C4orf17: variants seen among roughly 807,000 people sequenced by gnomAD.
C4orf17 encodes uncharacterized protein C4orf17.
Under a neutral mutation model 32.0 loss-of-function variants are expected in C4orf17, and 25 were observed. That is an observed-to-expected ratio of 0.78 (90% CI 0.57 to 1.09). The LOEUF is 1.09. Among genes scored for constraint, C4orf17 ranks in the 50% least tolerant of loss-of-function variants. The probability of loss-of-function intolerance (pLI) is 0.00; values close to 1 mark genes in which losing one functional copy is unlikely to be tolerated. For missense variants in C4orf17, 420 were observed against 420.0 expected (o/e 1.00, Z 0.00); for synonymous variants, 149 against 145.8 (o/e 1.02, Z -0.16).
At chr4:99,532,287 C>A (rs1723489136) in intron 5 of C4orf17, among the ~76,000 whole-genome samples, 1 of 152,090 alleles carries the variant, frequency 6.6e-6, no homozygotes, top group Non-Finnish European at 1.5e-5. Flanking sequence ...ATAGCAAAGA[C>A]ATGGAATCAA....
chr4:99,537,617 T>C, intron 5 of C4orf17, 52 bp from the exon 6 acceptor site: 1 of 1,277,958 alleles, frequency 7.8e-7, no homozygotes, highest in Non-Finnish European at 1.1e-6. Flanking sequence ...GGAAAACTGA[T>C]AAGCCTTGTA....
At chr4:99,537,569 A>C in intron 5 of C4orf17, 100 bp from the exon 6 acceptor site, 2 of 835,370 alleles carry the variant, frequency 2.4e-6, no homozygotes, top group South Asian at 2.8e-5. Flanking sequence ...TCATATACAA[A>C]GTGATATTTG....
At chr4:99,537,779 C>T (rs1385206664) in intron 6 of C4orf17, 29 bp downstream of exon 6, 5 of 1,495,972 alleles carry the variant, frequency 3.3e-6, no homozygotes, top group African/African-American at 1.4e-5. Flanking sequence ...TTTTAAAACA[C>T]TGAGCTCAAT....
intron 8 of C4orf17, chr4:99,540,737 A>C (rs1723639627): frequency 3.8e-6 from 1 of 263,886 alleles, no homozygotes; most frequent in African/African-American, 2.2e-5. Flanking sequence ...TTCAGTGAAA[A>C]GGGAAACCCT....
chr4:99,522,398 A>C (rs2110168156), intron 2 of C4orf17, 102 bp from the exon 3 acceptor site: 2 of 891,028 alleles, frequency 2.2e-6, no homozygotes, highest in Non-Finnish European at 3.5e-6. Context: ...ACATACATTT[A>C]ATGATATTTG....
chr4:99,516,101 G>A (rs566186449), intron 2 of C4orf17, among the ~76,000 whole-genome samples: 7 of 152,152 alleles, frequency 4.6e-5, no homozygotes, highest in Non-Finnish European at 8.8e-5. Context: ...GATGAAACAG[G>A]AAAGCTGAAA....
chr4:99,533,040 A>G (rs1304339804), intron 5 of C4orf17, among the ~76,000 whole-genome samples: 1 of 152,220 alleles, frequency 6.6e-6, no homozygotes, highest in African/African-American at 2.4e-5. Context: ...CAGACAGTGC[A>G]TGGAGAAAGT....
In C4orf17 at chr4:99,539,230, A is replaced by G. The variant is rs1437881698; in HGVS notation, c.696A>G (p.Arg232=). Residue 232 remains arginine (R), a synonymous_variant, in exon 7 of 9, where the codon AGA becomes AGG. Coordinates refer to ENST00000326581, the MANE Select transcript of C4orf17 (RefSeq NM_032149.3). ...AGATAAACCTGTTAACTCATCACAGAAGAAACACCTCAATGGAACCAGCAG... is the reference window on the plus strand; with the variant it reads ...AGATAAACCTGTTAACTCATCACAGGAGAAACACCTCAATGGAACCAGCAG... ...LAEINLLTHH[R]RNTSMEPAAE... 1.2e-6 allele frequency: 2 copies of G among 1,614,118 alleles called. No individual in the cohort carries two copies. Among genetic ancestry groups the G allele is most frequent in the Admixed American group, 3.3e-5 (2 of 60,026 alleles).
At position 99,512,989 on chromosome 4, in the gene C4orf17, G is replaced by A. The variant is rs1723120652; in HGVS notation, c.-93G>A. Reference sequence around the variant, plus strand: ...AATGTTTGTCATTTTGTGATTTCAGGGTCTGAGCACATCTGGAAGTGAGGT... The same window carrying A: ...AATGTTTGTCATTTTGTGATTTCAGAGTCTGAGCACATCTGGAAGTGAGGT... On this transcript the variant is annotated splice_region_variant and 5_prime_UTR_variant, in exon 2 of 9. Transcript: ENST00000326581. 1 of 1,313,332 alleles carries A rather than the reference G, an allele frequency of 7.6e-7. No individual in the cohort carries two copies. The highest frequency in any genetic ancestry group is 1.1e-6 in the Non-Finnish European group (1 of 927,958). 81.4% of individuals were successfully genotyped at this position (1,313,332 alleles called of 1,614,324 possible).
At chr4:99,535,925 CT>C in intron 5 of C4orf17, 1 of 448,614 alleles carries the variant, frequency 2.2e-6, no homozygotes. Context: ...TTTGTGGCAT[CT>C]TTGTTGTTGT....
chr4:99,538,882 A>T (rs1445597388), intron 6 of C4orf17, among the ~76,000 whole-genome samples: 2 of 152,184 alleles, frequency 1.3e-5, no homozygotes, highest in East Asian at 3.9e-4. Context: ...AGCCTGTAAG[A>T]CTGGCTACTG....
chr4:99,512,764 T>C (rs1432798718), intron 1 of C4orf17, among the ~76,000 whole-genome samples: 1 of 152,192 alleles, frequency 6.6e-6, no homozygotes, highest in Non-Finnish European at 1.5e-5. Context: ...ATAATATAAA[T>C]ATTTTGAAAT....
At chr4:99,524,682 C>T in intron 4 of C4orf17, 97 bp downstream of exon 4, 1 of 726,178 alleles carries the variant, frequency 1.4e-6, no homozygotes, top group South Asian at 1.8e-5. Flanking sequence ...CCATGTTTCA[C>T]AATATTTTTA....
rs1404835479 is a variant in C4orf17, at chr4:99,513,029, C to T, written c.-53C>T. On this transcript the variant is annotated 5_prime_UTR_variant, in exon 2 of 9. Transcript: ENST00000326581. ...GGAAGTGAGGTCAATCAAGTTAGAC[C>T]CCAAAAACTTTTGTGACAACAGTGA... The T allele has an allele frequency of 6.2e-7, 1 of 1,607,772 alleles. No homozygotes were observed. Among genetic ancestry groups the T allele is most frequent in the African/African-American group, 1.3e-5 (1 of 74,846 alleles).
intron 4 of C4orf17, among the ~76,000 whole-genome samples, chr4:99,524,983 A>C (rs933525370): frequency 3.9e-5 from 6 of 152,214 alleles, no homozygotes; most frequent in African/African-American, 1.4e-4. Flanking sequence ...TGATTATTTT[A>C]AGATTCATCC....
chr4:99,541,989 T>G lies in C4orf17; in HGVS notation c.960T>G (p.Asn320Lys), dbSNP rs2110175629. ...IPVAEYFSKP[N>K]SPPRPNTQES... is the part of the protein sequence containing the mutation. ...TTGCAGAATATTTCAGCAAACCAAA[T>G]TCTCCTCCCAGGCCTAACACTCAGG... Residue 320 changes from asparagine (N) to lysine (K), a missense_variant, in exon 9 of 9, where the codon AAT becomes AAG. Transcript: ENST00000326581. 3 of 1,614,028 alleles carry G rather than the reference T, an allele frequency of 1.9e-6. No homozygotes were observed. The highest frequency in any genetic ancestry group is 2.5e-6 in the Non-Finnish European group (3 of 1,179,952).
chr4:99,519,169 G>A (rs1317615030), intron 2 of C4orf17: 1 of 152,246 alleles, frequency 6.6e-6, no homozygotes, highest in Non-Finnish European at 1.5e-5. Context: ...CCCTTCAGAG[G>A]TGTCTCAATT....
At chr4:99,532,067 A>G (rs117388061) in intron 5 of C4orf17, among the ~76,000 whole-genome samples, 1 of 152,202 alleles carries the variant, frequency 6.6e-6, no homozygotes, top group East Asian at 1.9e-4. Context: ...TAACACCAAA[A>G]TGTCTGCCAA....
chr4:99,524,224 G>A (rs540402844), intron 3 of C4orf17, among the ~76,000 whole-genome samples: 56 of 152,014 alleles, frequency 3.7e-4, no homozygotes, highest in Admixed American at 1.1e-3. Context: ...CTCGTGATCC[G>A]CCCGCCTTGG....
Sources: gnomAD v4.1 joint callset for allele counts (sites outside exome capture counted in the v4.1 genomes callset) on GRCh38, gnomAD v4.1.1 for gene constraint, MANE v1.5 for transcripts, NCBI Gene and HGNC (gene_info 2026-07-23, HGNC 2026-07-21) for gene names.